Variants in LAX1 observed in about 807,000 individuals in gnomAD.
The protein encoded by LAX1 is lymphocyte transmembrane adaptor 1, also known as lymphocyte transmembrane adapter 1.
LAX1 carries 17 observed loss-of-function variants against 20.7 expected under a neutral mutation model. The ratio of observed to expected loss-of-function variants is 0.82; its 90% confidence interval spans 0.56 to 1.23. The LOEUF (loss-of-function observed/expected upper bound fraction) is 1.23, where lower values mean the gene tolerates loss of function less well. LAX1 is among the 50% of genes most tolerant of loss of function. The pLI, the probability that LAX1 is intolerant of heterozygous loss-of-function variation, is 0.00. For synonymous variants in LAX1, 165 were observed against 181.0 expected, an observed-to-expected ratio of 0.91 and a Z score of 0.71; for missense variants, 470 against 487.0, an observed-to-expected ratio of 0.97 and a Z score of 0.33.
In LAX1 at chr1:203,774,496, A is replaced by C; in HGVS notation, c.1012A>C (p.Thr338Pro). Reference sequence around the variant, plus strand: ...GACCCATGTCCAATGTGTCAAAAGGACATTCCTTGCTTCAGGGGATTATGC... The same window carrying C: ...GACCCATGTCCAATGTGTCAAAAGGCCATTCCTTGCTTCAGGGGATTATGC... ...PGTHVQCVKRTFLASGDYADF... is the reference protein window; with the variant it reads ...PGTHVQCVKRPFLASGDYADF... The change falls in exon 5 of 5, where the codon ACA becomes CCA. Residue 338 changes from threonine (T) to proline (P), a missense_variant. Thr to Pro is a conservative substitution (Grantham distance 38). Transcript: ENST00000442561. 1 of 1,614,252 alleles carries C rather than the reference A, an allele frequency of 6.2e-7. No individual in the cohort carries two copies. Among genetic ancestry groups the C allele is most frequent in the South Asian group, 1.1e-5 (1 of 91,086 alleles).
Position 203,774,770 on chromosome 1 carries a change from C to G in LAX1, c.*89C>G. 1 of 1,053,490 alleles carries G rather than the reference C, an allele frequency of 9.5e-7. No individual in the cohort carries two copies. Among genetic ancestry groups the G allele is most frequent in the Non-Finnish European group, 1.4e-6 (1 of 725,044 alleles). 65.3% of individuals were successfully genotyped at this position (1,053,490 alleles called of 1,614,324 possible). ...GAGTCTAGTGCAGACCCGTGATCAC[C>G]TTAGTGCTTCAGTGGATTCACTGGT... On this transcript the variant is annotated 3_prime_UTR_variant, in exon 5 of 5. Coordinates refer to ENST00000442561, the MANE Select transcript of LAX1 (RefSeq NM_017773.4).
intron 1 of LAX1, among the ~76,000 whole-genome samples, chr1:203,767,985 A>G (rs1006763464): frequency 6.6e-6 from 1 of 152,172 alleles, no homozygotes; most frequent in Non-Finnish European, 1.5e-5. Flanking sequence ...AAATAAAAAA[A>G]TGATAAACAG....
At chr1:203,770,459 AAGGAAGG>A (rs1667389725) in intron 1 of LAX1, among the ~76,000 whole-genome samples, 6 of 10,554 alleles carry the variant, frequency 5.7e-4, no homozygotes, top group Middle Eastern at 0.023. Flanking sequence ...GAGAGAAAGG[AAGGAAGG>A]AAGGAAGGAA....
intron 4 of LAX1, 82 bp downstream of exon 4, chr1:203,772,229 T>C: frequency 9.0e-7 from 1 of 1,110,144 alleles, no homozygotes; most frequent in South Asian, 1.3e-5. Context: ...TAGATCTGGT[T>C]TCACTGCAAA....
chr1:203,772,423 T>TA (rs749500299), intron 4 of LAX1, among the ~76,000 whole-genome samples: 14 of 136,408 alleles, frequency 1.0e-4, no homozygotes, highest in Non-Finnish European at 1.9e-4. Context: ...GATTGGTATA[T>TA]TTTTTTTTCT....
rs1667511769 is a variant in LAX1, at chr1:203,776,353, A to C, written c.*1672A>C. The C allele has an allele frequency of 1.5e-5, 1 of 68,822 alleles. No individual in the cohort carries two copies. The highest frequency in any genetic ancestry group is 3.2e-5 in the Non-Finnish European group (1 of 31,412). 4.3% of individuals were successfully genotyped at this position (68,822 alleles called of 1,614,324 possible). A position where few individuals can be genotyped will look rare whatever the true frequency, so the allele number is the denominator to read the frequency against. On this transcript the variant is annotated 3_prime_UTR_variant, in exon 5 of 5. Coordinates refer to ENST00000442561, the MANE Select transcript of LAX1 (RefSeq NM_017773.4). ...GCAACAGAGAAAGACTCTGTCTCAA[A>C]AAAAAAAAAAAAAAAAAAAAACTGT...
intron 2 of LAX1, among the ~76,000 whole-genome samples, 175 bp downstream of exon 2, chr1:203,771,112 A>C (rs565374025): frequency 9.5e-4 from 145 of 152,318 alleles, no homozygotes; most frequent in African/African-American, 3.4e-3. Flanking sequence ...CCAAAAGCCC[A>C]GTGCTGATGG....
In LAX1 at chr1:203,773,922, T is replaced by A. The variant is rs150007458; in HGVS notation, c.438T>A (p.His146Gln). The A allele has an allele frequency of 2.2e-5, 36 of 1,614,064 alleles. No individual in the cohort carries two copies. In the African/African-American group the frequency reaches 4.4e-4, roughly 20 times the overall value. Residue 146 changes from histidine to glutamine, a missense_variant, in exon 5 of 5, where the codon CAT becomes CAA. By Grantham distance (24) the His-to-Gln change is conservative. Transcript: ENST00000442561. ...TCCAGGAGCATACAGCCCACATCCA[T>A]GCCACAGAGTACGCGGTGGGTATCT... ...NAFQEHTAHIHATEYAVGIYD... is the reference protein window; with the variant it reads ...NAFQEHTAHIQATEYAVGIYD...
At chr1:203,766,943 C>A (rs998951223) in intron 1 of LAX1, among the ~76,000 whole-genome samples, 4 of 152,038 alleles carry the variant, frequency 2.6e-5, no homozygotes, top group African/African-American at 9.7e-5. Flanking sequence ...GCAGCCTCCA[C>A]CTCCCAGGTT....
chr1:203,770,089 T>G (rs1667378032), intron 1 of LAX1, among the ~76,000 whole-genome samples: 1 of 152,090 alleles, frequency 6.6e-6, no homozygotes. Flanking sequence ...TCAGGTTACT[T>G]GGCCACAAAG....
At position 203,765,648 on chromosome 1, in the gene LAX1, T is replaced by C. The variant is rs1667292889; in HGVS notation, c.83T>C (p.Leu28Pro). The change falls in exon 1 of 5, where the codon CTG (leucine) becomes CCG (proline). Residue 28 changes from leucine to proline, a missense_variant. By Grantham distance (98) the Leu-to-Pro change is moderately conservative (BLOSUM62 -3). Coordinates refer to ENST00000442561, the MANE Select transcript of LAX1 (RefSeq NM_017773.4). ...SSTLHVTPRS[L>P]DRNKDQITNI... ...ACTCTGCATGTGACTCCCCGCAGCCTGGACAGGTGAGTGACTCAGGGTGGT... is the reference window on the plus strand; with the variant it reads ...ACTCTGCATGTGACTCCCCGCAGCCCGGACAGGTGAGTGACTCAGGGTGGT... The C allele has an allele frequency of 6.2e-7, 1 of 1,613,934 alleles. No homozygotes were observed. The highest frequency in any genetic ancestry group is 8.5e-7 in the Non-Finnish European group (1 of 1,179,980).
At chr1:203,773,414 A>AC (rs1250847189) in intron 4 of LAX1, among the ~76,000 whole-genome samples, 1 of 152,196 alleles carries the variant, frequency 6.6e-6, no homozygotes, top group Non-Finnish European at 1.5e-5. Flanking sequence ...AGATTGCTCT[A>AC]CTGCACTCCA....
intron 3 of LAX1, 73 bp from the exon 4 acceptor site, chr1:203,771,995 T>A: frequency 7.5e-6 from 9 of 1,206,314 alleles, no homozygotes; most frequent in Non-Finnish European, 1.1e-5. Context: ...GCTTCATCCA[T>A]GATGCAGGGA....
chr1:203,774,056 AT>A lies in LAX1; in HGVS notation c.573del (p.His191GlnfsTer16). ...DCASISSEDSHDYVNVPTAEE... is the reference protein window; with the variant it reads ...DCASISSEDSXDYVNVPTAEE... ...GCAAGCATTTCTTCAGAGGATTCGC[AT>A]GATTATGTCAATGTCCCCACAGCAG... On this transcript the variant is annotated frameshift_variant, in exon 5 of 5. Transcript: ENST00000442561. LOFTEE classifies it low-confidence loss of function (END_TRUNC). The A allele has an allele frequency of 6.2e-7, 1 of 1,614,166 alleles. No individual in the cohort carries two copies.
At chr1:203,769,253 G>A (rs185898247) in intron 1 of LAX1, among the ~76,000 whole-genome samples, 43 of 151,844 alleles carry the variant, frequency 2.8e-4, no homozygotes, top group African/African-American at 8.2e-4. Flanking sequence ...TTAGCCGGGC[G>A]TGGTGGCGTG....
At chr1:203,769,773 C>CGGGGGGGGGG (rs1311215813) in intron 1 of LAX1, 28 of 24,004 alleles carry the variant, frequency 1.2e-3, no homozygotes, top group Admixed American at 2.1e-3. Context: ...CAAATTGGTG[C>CGGGGGGGGGG]GGGGGGGGGG....
intron 1 of LAX1, among the ~76,000 whole-genome samples, chr1:203,769,441 G>GA (rs776263141): frequency 0.38 from 35,599 of 94,284 alleles, 5,029 homozygotes; most frequent in East Asian, 0.57. Flanking sequence ...AAGAAAGAAA[G>GA]AAGGAAAGAA....
intron 3 of LAX1, 35 bp downstream of exon 3, chr1:203,771,512 A>G: frequency 7.9e-7 from 1 of 1,266,000 alleles, no homozygotes; most frequent in Non-Finnish European, 1.2e-6. Flanking sequence ...GAGTCCAGAT[A>G]TTCGAACTTC....
chr1:203,769,661 C>T (rs1197948818), intron 1 of LAX1: 5 of 151,810 alleles, frequency 3.3e-5, no homozygotes, highest in African/African-American at 7.3e-5. Context: ...CAAGCAAAAC[C>T]GAGCAGTGAC....
Sources: gnomAD v4.1 joint callset for allele counts (sites outside exome capture counted in the v4.1 genomes callset) on GRCh38, gnomAD v4.1.1 for gene constraint, MANE v1.5 for transcripts, NCBI Gene and HGNC (gene_info 2026-07-23, HGNC 2026-07-21) for gene names.